The following RAB11FIP3 variants were observed in gnomAD, a reference collection of about 807,000 sequenced individuals.
RAB11FIP3 encodes RAB11 family interacting protein 3, also known as rab11 family-interacting protein 3.
In RAB11FIP3, 17 loss-of-function variants were observed where a neutral mutation model predicts 77.8. The observed-to-expected ratio is 0.22, with a 90% CI of 0.15 to 0.33. The LOEUF (loss-of-function observed/expected upper bound fraction) is 0.33, where lower values mean the gene tolerates loss of function less well. Among genes scored for constraint, RAB11FIP3 ranks in the 10% least tolerant of loss-of-function variants. The pLI, the probability that RAB11FIP3 is intolerant of heterozygous loss-of-function variation, is 1.00. For missense variants in RAB11FIP3, 1,005 were observed against 1,011.2 expected, an observed-to-expected ratio of 0.99 and a Z score of 0.08; for synonymous variants, 437 against 448.2, an observed-to-expected ratio of 0.98 and a Z score of 0.31.
intron 1 of RAB11FIP3, among the ~76,000 whole-genome samples, chr16:448,092 C>T (rs1429635418): frequency 4.6e-5 from 7 of 151,520 alleles, no homozygotes; most frequent in Non-Finnish European, 7.4e-5. Context: ...CCGAGGTGGG[C>T]GGATCATGTG....
intron 9 of RAB11FIP3, among the ~76,000 whole-genome samples, chr16:512,160 G>A (rs776202987): frequency 6.6e-6 from 1 of 152,138 alleles, no homozygotes; most frequent in Non-Finnish European, 1.5e-5. Flanking sequence ...TGACCCTGAC[G>A]CTGTGCGGGT....
At chr16:463,049 T>C (rs1437215905) in intron 2 of RAB11FIP3, among the ~76,000 whole-genome samples, 2 of 152,148 alleles carry the variant, frequency 1.3e-5, no homozygotes, top group Non-Finnish European at 2.9e-5. Context: ...TAGGAGTGGG[T>C]CATGTGCTGG....
In RAB11FIP3 at chr16:425,902, C is replaced by G; in HGVS notation, c.-105C>G. ...CAGCCCCAGCAGCCCGGGCGCCCCG[C>G]GCGCGCCCGCCCGCGCCGCCGAGGG... On this transcript the variant is annotated 5_prime_UTR_variant, in exon 1 of 14. Transcript: ENST00000262305. 3.7e-6 allele frequency: 1 copy of G among 267,766 alleles called. No individual in the cohort carries two copies. Among genetic ancestry groups the G allele is most frequent in the Non-Finnish European group, 5.8e-6 (1 of 173,536 alleles). The allele number at this position is 267,766 out of a possible 1,614,324, so 16.6% of individuals were successfully genotyped here.
At chr16:447,762 G>T (rs949695143) in intron 1 of RAB11FIP3, among the ~76,000 whole-genome samples, 1 of 152,092 alleles carries the variant, frequency 6.6e-6, no homozygotes, top group Non-Finnish European at 1.5e-5. Context: ...AGACTAAAAC[G>T]TATAAATTAT....
intron 2 of RAB11FIP3, among the ~76,000 whole-genome samples, chr16:470,690 T>G (rs1342171361): frequency 6.6e-6 from 1 of 152,168 alleles, no homozygotes; most frequent in Non-Finnish European, 1.5e-5. Context: ...TTGGTTGTGT[T>G]TGCAAAGTGA....
Position 472,032 on chromosome 16 carries a change from G to A in RAB11FIP3, c.903+643G>A, listed in dbSNP as rs1596242432. Among the ~76,000 whole-genome samples the A allele has an allele frequency of 6.6e-6, 1 of 152,208 alleles. No homozygotes were observed. The highest frequency in any genetic ancestry group is 1.5e-5 in the Non-Finnish European group (1 of 68,022). On this transcript the variant is annotated intron_variant, in intron 3 of 13. Coordinates refer to ENST00000262305, the MANE Select transcript of RAB11FIP3 (RefSeq NM_014700.4). The surrounding 1 kb of genome is among the most constrained non-coding windows in gnomAD (Gnocchi z 4.1). The stretch of plus-strand genomic sequence containing the variant: ...CGCCGGGAAGGTGGAGGTGGCAGCC[G>A]CCAGTCCTGGTCAGCCTGCTGCCGA...
chr16:426,488 T>G lies in RAB11FIP3; in HGVS notation c.482T>G (p.Phe161Cys), dbSNP rs1167431471. 1 of 1,580,494 alleles carries G rather than the reference T, an allele frequency of 6.3e-7. No homozygotes were observed. Among genetic ancestry groups the G allele is most frequent in the African/African-American group, 1.3e-5 (1 of 74,086 alleles). The change falls in exon 1 of 14, where the codon TTC becomes TGC. Residue 161 changes from phenylalanine to cysteine, a missense_variant. Physicochemically the swap from Phe to Cys is radical, Grantham distance 205 (BLOSUM62 -2). Around this residue, in one of 4 missense-constraint regions of RAB11FIP3, gnomAD observed 466 missense variants for 408.3 expected, o/e 1.14. Coordinates refer to ENST00000262305, the MANE Select transcript of RAB11FIP3 (RefSeq NM_014700.4). This position sits in a 1 kb window ranked among gnomAD's most constrained non-coding sequence, Gnocchi z 5.0. ...CGAGCGCGGGGCGAGGTCGACGTCT[T>G]CTCTCCCTTCCCCGCGCCCACGGCG... ...SHRARGEVDV[F>C]SPFPAPTAGE...
At chr16:518,056 T>C (rs1201658170) in intron 9 of RAB11FIP3, among the ~76,000 whole-genome samples, 1 of 152,208 alleles carries the variant, frequency 6.6e-6, no homozygotes, top group Non-Finnish European at 1.5e-5. Flanking sequence ...CACTCCAGCC[T>C]GGGCAACAGA....
chr16:510,471 G>A, intron 8 of RAB11FIP3, 189 bp from the exon 9 acceptor site: 1 of 631,190 alleles, frequency 1.6e-6, no homozygotes, highest in Non-Finnish European at 2.7e-6. Context: ...AGTGTGGGAG[G>A]CGAGGCCATC....
Position 432,572 on chromosome 16 carries a change from C to T in RAB11FIP3, c.714+5852C>T, listed in dbSNP as rs117631891. On this transcript the variant is annotated intron_variant, in intron 1 of 13. Coordinates refer to ENST00000262305, the MANE Select transcript of RAB11FIP3 (RefSeq NM_014700.4). ...AATTTGCATGCATGTTGCTTTGAAT[C>T]TGCTTTTTGACCTGGTTTTTTTTTT... 9.0e-3 allele frequency among the ~76,000 whole-genome samples: 1,337 copies of T among 147,922 alleles called. 13 individuals are homozygous for T. Among genetic ancestry groups the T allele is most frequent in the Middle Eastern group, 0.028 (8 of 282 alleles).
At chr16:434,125 A>T (rs2055087395) in intron 1 of RAB11FIP3, among the ~76,000 whole-genome samples, 1 of 152,052 alleles carries the variant, frequency 6.6e-6, no homozygotes, top group Non-Finnish European at 1.5e-5. Flanking sequence ...TTATTTAAAA[A>T]TTTCTTTATT....
Position 497,541 on chromosome 16 carries a change from C to T in RAB11FIP3, c.1301+682C>T, listed in dbSNP as rs373904223. The T allele has an allele frequency of 7.0e-4, 747 of 1,060,086 alleles. 4 individuals carry two copies. Among genetic ancestry groups the T allele is most frequent in the South Asian group, 5.9e-3 (355 of 60,208 alleles). The allele number at this position is 1,060,086 out of a possible 1,614,324, so 65.7% of individuals were successfully genotyped here. A position where few individuals can be genotyped will look rare whatever the true frequency, so the allele number is the denominator to read the frequency against. ...GCAGGGCTGGGAGACGCCTCTCCAG[C>T]TTCCTCTGGAGCATCCCCTCTGGAG... On this transcript the variant is annotated intron_variant, in intron 6 of 13. Transcript: ENST00000262305.
In RAB11FIP3 at chr16:514,295, G is replaced by T. The variant is rs1177715606; in HGVS notation, c.1640+3495G>T. On this transcript the variant is annotated intron_variant, in intron 9 of 13. Coordinates refer to ENST00000262305, the MANE Select transcript of RAB11FIP3 (RefSeq NM_014700.4). The surrounding 1 kb of genome is among the most constrained non-coding windows in gnomAD (Gnocchi z 4.6). ...AGCACGAGGCCTCTGGCATCTTGGGGACTTCCCCAGCCTGGCCTCTGCCCA... is the reference window on the plus strand; with the variant it reads ...AGCACGAGGCCTCTGGCATCTTGGGTACTTCCCCAGCCTGGCCTCTGCCCA... Among the ~76,000 whole-genome samples the T allele has an allele frequency of 6.6e-6, 1 of 151,616 alleles. No individual in the cohort carries two copies. The highest frequency in any genetic ancestry group is 1.5e-5 in the Non-Finnish European group (1 of 68,046).
At chr16:511,499 C>T (rs2032164368) in intron 9 of RAB11FIP3, among the ~76,000 whole-genome samples, 1 of 119,946 alleles carries the variant, frequency 8.3e-6, no homozygotes, top group African/African-American at 3.5e-5. Context: ...TCCCCGACGG[C>T]CCGCCAACCC....
In RAB11FIP3 at chr16:472,096, A is replaced by C. The variant is rs1246396047; in HGVS notation, c.903+707A>C. 6.6e-6 allele frequency among the ~76,000 whole-genome samples: 1 copy of C among 152,174 alleles called. No individual in the cohort carries two copies. Among genetic ancestry groups the C allele is most frequent in the Admixed American group, 6.5e-5 (1 of 15,280 alleles). On this transcript the variant is annotated intron_variant, in intron 3 of 13. Transcript: ENST00000262305. The surrounding 1 kb of genome is among the most constrained non-coding windows in gnomAD (Gnocchi z 4.1). ...AAGTGGGGCTGAGCTGCTGGCCGGT[A>C]GGGCCTGGGCTTCTCATGTCAGTCC...
rs149645207 is a variant in RAB11FIP3, at chr16:449,770, C to T, written c.715-11634C>T. On this transcript the variant is annotated intron_variant, in intron 1 of 13. Coordinates refer to ENST00000262305, the MANE Select transcript of RAB11FIP3 (RefSeq NM_014700.4). ...AGTTTGAGACCCGCCTGGCCAACATCGTGAAACCCTGTCTCTACTAAAAAT... is the reference window on the plus strand; with the variant it reads ...AGTTTGAGACCCGCCTGGCCAACATTGTGAAACCCTGTCTCTACTAAAAAT... Among the ~76,000 whole-genome samples the T allele has an allele frequency of 2.5e-3, 380 of 151,946 alleles. 1 individual carries two copies. Among genetic ancestry groups the T allele is most frequent in the African/African-American group, 8.6e-3 (356 of 41,462 alleles).
chr16:518,916 A>G, intron 9 of RAB11FIP3, 27 bp from the exon 10 acceptor site: 2 of 1,612,046 alleles, frequency 1.2e-6, no homozygotes, highest in Non-Finnish European at 1.7e-6. Flanking sequence ...TCCTGGAGTG[A>G]GTTTCAGCTT....
chr16:509,755 C>A (rs900167650), intron 8 of RAB11FIP3, among the ~76,000 whole-genome samples: 1 of 152,186 alleles, frequency 6.6e-6, no homozygotes, highest in Non-Finnish European at 1.5e-5. Flanking sequence ...AGTGGGCCCC[C>A]CCCCCACTTG....
rs2055627871 is a variant in RAB11FIP3 at position 462,625 on chromosome 16, A to AGCACGATCCCTTCCCCG, written c.808+1132_808+1133insGATCCCTTCCCCGGCAC. On this transcript the variant is annotated intron_variant, in intron 2 of 13. Coordinates refer to ENST00000262305, the MANE Select transcript of RAB11FIP3 (RefSeq NM_014700.4). Reference sequence around the variant, plus strand: ...CCTTCCCCAGCACGATCCCTTCCCCAGCACCATCCCTTCCCCAGCACCATC... The same window carrying AGCACGATCCCTTCCCCG: ...CCTTCCCCAGCACGATCCCTTCCCCAGCACGATCCCTTCCCCGGCACCATCCCTTCCCCAGCACCATC... Among the ~76,000 whole-genome samples, 8 of 144,698 alleles carry AGCACGATCCCTTCCCCG rather than the reference A, an allele frequency of 5.5e-5. 1 individual carries two copies. The East Asian group carries it at 1.6e-3, about 29-fold the overall frequency. The allele number at this position is 144,698 out of a possible 152,430, so 94.9% of individuals were successfully genotyped here. A position where few individuals can be genotyped will look rare whatever the true frequency, so the allele number is the denominator to read the frequency against.
Sources: allele counts gnomAD v4.1 joint callset (sites outside exome capture counted in the v4.1 genomes callset), GRCh38; gene constraint gnomAD v4.1.1; regional missense constraint gnomAD v4.1.1; non-coding constraint Gnocchi (gnomAD v3.1); transcripts MANE v1.5; gene names NCBI Gene and HGNC (gene_info 2026-07-23, HGNC 2026-07-21).